Variants in SLC35E4 observed in about 807,000 individuals in gnomAD.
SLC35E4 encodes solute carrier family 35, member E4.
A neutral mutation model predicts 19.3 loss-of-function variants in SLC35E4; 15 were observed. That is an observed-to-expected ratio of 0.78 (90% CI 0.52 to 1.20). SLC35E4 has a LOEUF of 1.20. Among genes scored for constraint, SLC35E4 ranks in the 50% most tolerant of loss-of-function variants. The pLI is 0.00. For synonymous variants in SLC35E4, 219 were observed against 219.9 expected, an observed-to-expected ratio of 1.00 and a Z score of 0.04; for missense variants, 406 against 472.3, an observed-to-expected ratio of 0.86 and a Z score of 1.30.
At chr22:30,639,049 A>T (rs1569056383) in intron 1 of SLC35E4, among the ~76,000 whole-genome samples, 1 of 152,180 alleles carries the variant, frequency 6.6e-6, no homozygotes, top group Admixed American at 6.5e-5. Flanking sequence ...TATTGGGGGA[A>T]ATTCAGCCAG....
At chr22:30,639,666 A>G (rs2145576534) in intron 1 of SLC35E4, among the ~76,000 whole-genome samples, 2 of 152,308 alleles carry the variant, frequency 1.3e-5, no homozygotes, top group South Asian at 4.1e-4. Context: ...AGAATTCAGC[A>G]ACATTTCTCC....
intron 2 of SLC35E4, chr22:30,661,444 C>CTTTTTTTTTTTTTTTTTTTTT (rs56242112): frequency 5.9e-5 from 8 of 136,476 alleles, no homozygotes; most frequent in South Asian, 2.3e-4. Context: ...TTTTCTTTTT[C>CTTTTTTTTTTTTTTTTTTTTT]TTTTTTTTTT....
chr22:30,647,070 G>T lies in SLC35E4; in HGVS notation c.*39G>T. On this transcript the variant is annotated 3_prime_UTR_variant, in exon 2 of 2. Coordinates refer to ENST00000343605, the MANE Select transcript of SLC35E4 (RefSeq NM_001001479.4). ...TCAGGAGCCACCTGGGATGGCCCTG[G>T]CCTGAATCCAGCCTCCGCTGTGGCC... is the stretch of plus-strand genomic sequence containing the variant. The T allele has an allele frequency of 4.5e-6, 7 of 1,546,842 alleles. No homozygotes were observed. The highest frequency in any genetic ancestry group is 6.1e-6 in the Non-Finnish European group (7 of 1,150,350).
chr22:30,636,786 G>A lies in SLC35E4; in HGVS notation c.336G>A (p.Leu112=). 1.2e-6 allele frequency: 2 copies of A among 1,612,592 alleles called. No individual in the cohort carries two copies. The highest frequency in any genetic ancestry group is 1.7e-6 in the Non-Finnish European group (2 of 1,179,574). The part of the protein sequence containing the change: ...MPGGTRCRVL[L]LSLTFGTSMA... The stretch of plus-strand genomic sequence containing the variant: ...GCGGCACTCGCTGCCGAGTCCTACT[G>A]CTCAGTCTCACCTTTGGCACGTCCA... The change falls in exon 1 of 2, where the codon CTG becomes CTA. Residue 112 remains leucine, a synonymous_variant. Coordinates refer to ENST00000343605, the MANE Select transcript of SLC35E4 (RefSeq NM_001001479.4).
chr22:30,661,551 C>G lies in SLC35E4; in HGVS notation c.*9-509C>G, dbSNP rs1365997614. 3 of 151,110 alleles carry G rather than the reference C, an allele frequency of 2.0e-5. No homozygotes were observed. The East Asian group carries it at 5.8e-4, about 29-fold the overall frequency. The allele number at this position is 151,110 out of a possible 1,614,324, so 9.4% of individuals were successfully genotyped here. A position where few individuals can be genotyped will look rare whatever the true frequency, so the allele number is the denominator to read the frequency against. ...GCAACCTCCGCCTCCTGGGTTCAAG[C>G]AATTCTCCTGCCTCAGCCTCCCAAG... is the stretch of plus-strand genomic sequence containing the variant. On this transcript the variant is annotated intron_variant, in intron 2 of 2. Coordinates refer to the SLC35E4 transcript ENST00000406566.
chr22:30,660,369 T>C (rs2088432895), intron 2 of SLC35E4, among the ~76,000 whole-genome samples: 3 of 152,182 alleles, frequency 2.0e-5, no homozygotes, highest in East Asian at 3.9e-4. Context: ...AGAGGCACGA[T>C]CTTGGCTCAC....
downstream of SLC35E4, among the ~76,000 whole-genome samples, chr22:30,651,217 T>C (rs2088203190): frequency 1.3e-5 from 2 of 150,060 alleles, no homozygotes; most frequent in African/African-American, 2.5e-5. Flanking sequence ...TTTTCTTTTT[T>C]TGAGACAGAG....
intron 1 of SLC35E4, among the ~76,000 whole-genome samples, chr22:30,641,718 A>AT (rs56070783): frequency 0.021 from 2,271 of 108,870 alleles, 39 homozygotes; most frequent in African/African-American, 0.041. Context: ...CTAATTTTTA[A>AT]TTTTTTTTTT....
downstream of SLC35E4, among the ~76,000 whole-genome samples, chr22:30,648,472 C>A (rs1404853677): frequency 6.6e-6 from 1 of 152,208 alleles, no homozygotes; most frequent in East Asian, 1.9e-4. Flanking sequence ...GAAATCCAGG[C>A]CGGGCGCGGT....
rs2145582781 is a variant in SLC35E4 at position 30,646,781 on chromosome 22, A to G, written c.803A>G (p.Tyr268Cys). The G allele has an allele frequency of 6.2e-7, 1 of 1,614,024 alleles. No individual in the cohort carries two copies. The highest frequency in any genetic ancestry group is 8.5e-7 in the Non-Finnish European group (1 of 1,180,000). The change falls in exon 2 of 2, where the codon TAT becomes TGT. Residue 268 changes from tyrosine to cysteine, a missense_variant. Physicochemically the swap from Tyr to Cys is radical, Grantham distance 194. Coordinates refer to ENST00000343605, the MANE Select transcript of SLC35E4 (RefSeq NM_001001479.4). ...CTCAGCTGCCTCCTGTCTGTTCTCT[A>G]TAACCTGGCCAGCTTCTCCCTGCTG... Reference protein sequence around the residue: ...ILLSCLLSVLYNLASFSLLAL... With the variant: ...ILLSCLLSVLCNLASFSLLAL...
At chr22:30,649,710 T>C (rs2088181265), downstream of SLC35E4, among the ~76,000 whole-genome samples, 1 of 149,622 alleles carries the variant, frequency 6.7e-6, no homozygotes, top group Non-Finnish European at 1.5e-5. Context: ...GATGGAGGGA[T>C]GGATGGCTGT....
At chr22:30,650,406 G>T (rs1056064576), downstream of SLC35E4, among the ~76,000 whole-genome samples, 3 of 152,170 alleles carry the variant, frequency 2.0e-5, no homozygotes, top group Non-Finnish European at 4.4e-5. Context: ...TGAGGCAGGA[G>T]AATCGCTTGA....
At chr22:30,666,751 T>G (rs900059474), downstream of SLC35E4, 1 of 149,886 alleles carries the variant, frequency 6.7e-6, no homozygotes, top group Admixed American at 6.7e-5. Flanking sequence ...GAGAAACAGA[T>G]AGTAAACAGG....
intron 1 of SLC35E4, among the ~76,000 whole-genome samples, chr22:30,640,692 G>A (rs942637987): frequency 6.6e-6 from 1 of 152,222 alleles, no homozygotes; most frequent in African/African-American, 2.4e-5. Flanking sequence ...CTGGGTTCCA[G>A]CCATACCTTT....
downstream of SLC35E4, chr22:30,652,214 G>C (rs990843983): frequency 6.6e-6 from 1 of 152,196 alleles, no homozygotes; most frequent in African/African-American, 2.4e-5. Flanking sequence ...CTAGTGCCCA[G>C]TCAGTTCCTG....
Position 30,636,921 on chromosome 22 carries a change from C to T in SLC35E4, c.471C>T (p.Arg157=). 6.2e-7 allele frequency: 1 copy of T among 1,611,588 alleles called. No individual in the cohort carries two copies. Among genetic ancestry groups the T allele is most frequent in the Non-Finnish European group, 8.5e-7 (1 of 1,179,164 alleles). The part of the protein sequence containing the change: ...TLALSALLLG[R]RHHPLQLAAM... The stretch of plus-strand genomic sequence containing the variant: ...CCCTGTCGGCGCTGCTGCTGGGCCG[C>T]CGCCACCACCCACTTCAGTTGGCCG... The change falls in exon 1 of 2, where the codon CGC becomes CGT. Residue 157 remains arginine (R), a synonymous_variant. Transcript: ENST00000343605.
chr22:30,647,086 C>T lies in SLC35E4; in HGVS notation c.*55C>T, dbSNP rs2088147154. Reference sequence around the variant, plus strand: ...ATGGCCCTGGCCTGAATCCAGCCTCCGCTGTGGCCATAGAAGGAATGGAGA... The same window carrying T: ...ATGGCCCTGGCCTGAATCCAGCCTCTGCTGTGGCCATAGAAGGAATGGAGA... On this transcript the variant is annotated 3_prime_UTR_variant, in exon 2 of 2. Transcript: ENST00000343605. 1.1e-5 allele frequency: 17 copies of T among 1,519,590 alleles called. No individual in the cohort carries two copies. Among genetic ancestry groups the T allele is most frequent in the South Asian group, 6.4e-5 (5 of 78,652 alleles). 94.1% of individuals were successfully genotyped at this position (1,519,590 alleles called of 1,614,324 possible).
chr22:30,647,356 T>A lies in SLC35E4; in HGVS notation c.*325T>A. ...GAGGCTGCAGTAAGCCAAGATCGCA[T>A]GCTACTGCACTCCAGCCTGGGAGAC... On this transcript the variant is annotated 3_prime_UTR_variant, in exon 2 of 2. Transcript: ENST00000343605. The A allele has an allele frequency of 6.8e-6, 2 of 294,014 alleles. No individual in the cohort carries two copies. The highest frequency in any genetic ancestry group is 1.3e-5 in the Non-Finnish European group (2 of 157,582). 18.2% of individuals were successfully genotyped at this position (294,014 alleles called of 1,614,324 possible).
intron 1 of SLC35E4, among the ~76,000 whole-genome samples, chr22:30,642,008 A>T (rs2088049076): frequency 6.6e-6 from 1 of 151,840 alleles, no homozygotes; most frequent in Non-Finnish European, 1.5e-5. Flanking sequence ...AGGGCCTGAG[A>T]TAGGCTTTTT....
Sources: allele counts gnomAD v4.1 joint callset (sites outside exome capture counted in the v4.1 genomes callset), GRCh38; gene constraint gnomAD v4.1.1; transcripts MANE v1.5; gene names NCBI Gene and HGNC (gene_info 2026-07-23, HGNC 2026-07-21).